THSD7B: variants seen among roughly 807,000 people sequenced by gnomAD.
The protein encoded by THSD7B is thrombospondin type 1 domain containing 7B, also known as thrombospondin type-1 domain-containing protein 7B.
THSD7B carries 138 observed loss-of-function variants against 213.6 expected under a neutral mutation model. The ratio of observed to expected loss-of-function variants is 0.65; its 90% CI spans 0.56 to 0.74. THSD7B has a LOEUF of 0.74. THSD7B is among the 30% of genes least tolerant of loss of function. THSD7B has a pLI of 0.00. For synonymous variants in THSD7B, 742 were observed against 687.0 expected (o/e 1.08, Z -1.25); for missense variants, 1,931 against 1,991.5 (o/e 0.97, Z 0.58).
At chr2:136,940,659 T>C (rs1684805486) in intron 2 of THSD7B, among the ~76,000 whole-genome samples, 1 of 151,070 alleles carries the variant, frequency 6.6e-6, no homozygotes, top group African/African-American at 2.4e-5. Context: ...CCCAAAGTGC[T>C]GGGATTCCAG....
In THSD7B at chr2:137,219,492, A is replaced by C. The variant is rs76210002; in HGVS notation, c.1724-11552A>C. Among the ~76,000 whole-genome samples the C allele has an allele frequency of 1.6e-3, 244 of 152,262 alleles. 7 individuals carry two copies. The East Asian group carries it at 0.04, about 25-fold the overall frequency. ...CAAAAACAGAAGAGGTTACCAACCA[A>C]CTCAAGAAAAAGGCAAGCTCATCTT... On this transcript the variant is annotated intron_variant, in intron 7 of 27. Transcript: ENST00000409968.
chr2:137,434,747 T>C (rs1687257452), intron 14 of THSD7B, among the ~76,000 whole-genome samples: 1 of 152,220 alleles, frequency 6.6e-6, no homozygotes, highest in Non-Finnish European at 1.5e-5. Context: ...CCTCAATTTC[T>C]ACGGTTATTT....
chr2:136,887,344 A>G (rs559532466), intron 2 of THSD7B, among the ~76,000 whole-genome samples: 107 of 145,848 alleles, frequency 7.3e-4, no homozygotes, highest in African/African-American at 2.7e-3. Context: ...GGCTTTTAAA[A>G]TAGCCTTCAG....
At chr2:137,585,280 CA>C (rs1436041169) in intron 17 of THSD7B, among the ~76,000 whole-genome samples, 1 of 151,472 alleles carries the variant, frequency 6.6e-6, no homozygotes, top group Admixed American at 6.6e-5. Flanking sequence ...TTGATCTTTT[CA>C]AAAAAACCAG....
chr2:136,841,317 C>T (rs191478421), intron 1 of THSD7B, among the ~76,000 whole-genome samples: 89 of 151,980 alleles, frequency 5.9e-4, no homozygotes, highest in South Asian at 1.2e-3. Context: ...GAAAAAAGAC[C>T]GGGCGCAGTG....
chr2:137,066,174 G>A (rs531620429), intron 3 of THSD7B, among the ~76,000 whole-genome samples: 1 of 145,292 alleles, frequency 6.9e-6, no homozygotes, highest in East Asian at 2.0e-4. Context: ...TAGAATTTAG[G>A]TTGATGAGTT....
intron 27 of THSD7B, among the ~76,000 whole-genome samples, chr2:137,673,152 T>A (rs894025264): frequency 6.6e-6 from 1 of 152,186 alleles, no homozygotes; most frequent in Non-Finnish European, 1.5e-5. Context: ...TGAGAATGAG[T>A]CCTTGCTGAG....
intron 15 of THSD7B, among the ~76,000 whole-genome samples, chr2:137,475,403 C>T (rs1452870284): frequency 6.6e-5 from 10 of 152,060 alleles, no homozygotes; most frequent in Admixed American, 6.6e-4. Flanking sequence ...AGTCATTCTA[C>T]TCTCTTATTA....
intron 2 of THSD7B, among the ~76,000 whole-genome samples, chr2:136,966,273 C>T (rs533855020): frequency 1.1e-4 from 17 of 151,764 alleles, no homozygotes; most frequent in Admixed American, 4.6e-4. Flanking sequence ...GCTGAAGTAC[C>T]GTGGCATGAT....
At chr2:137,532,841 A>C (rs1680424793) in intron 15 of THSD7B, among the ~76,000 whole-genome samples, 2 of 151,676 alleles carry the variant, frequency 1.3e-5, no homozygotes, top group Admixed American at 1.3e-4. Flanking sequence ...TAAAAGTCAC[A>C]GTTATTAGGA....
chr2:136,950,340 G>A (rs1339775504), intron 2 of THSD7B, among the ~76,000 whole-genome samples: 1 of 152,124 alleles, frequency 6.6e-6, no homozygotes, highest in Non-Finnish European at 1.5e-5. Context: ...CTAGATGACA[G>A]GTTGATAGGT....
chr2:137,470,061 AT>A (rs1371281629), intron 15 of THSD7B, among the ~76,000 whole-genome samples: 1 of 152,200 alleles, frequency 6.6e-6, no homozygotes, highest in Non-Finnish European at 1.5e-5. Flanking sequence ...CTAGAAGACT[AT>A]TTGAAGGAGT....
intron 1 of THSD7B, among the ~76,000 whole-genome samples, chr2:136,836,079 A>G (rs1364811664): frequency 6.6e-6 from 1 of 152,238 alleles, no homozygotes; most frequent in Admixed American, 6.5e-5. Context: ...GTTTTCAAAT[A>G]TGAAATTAAA....
At chr2:137,211,735 T>C (rs954762871) in intron 7 of THSD7B, among the ~76,000 whole-genome samples, 1 of 143,540 alleles carries the variant, frequency 7.0e-6, no homozygotes. Flanking sequence ...AACAGTTAAG[T>C]GTTCTACAAG....
At chr2:137,414,287 TA>T (rs1055800907) in intron 14 of THSD7B, among the ~76,000 whole-genome samples, 6 of 151,942 alleles carry the variant, frequency 3.9e-5, no homozygotes, top group Non-Finnish European at 7.4e-5. Flanking sequence ...AAAGGTTTTT[TA>T]AAAAAAATAG....
At chr2:136,990,851 TA>T in intron 2 of THSD7B, 1 of 1,317,866 alleles carries the variant, frequency 7.6e-7, no homozygotes, top group East Asian at 5.2e-5. Flanking sequence ...TTTCACAAAT[TA>T]AAATTCCCTT....
chr2:137,177,249 G>T (rs1045576860), intron 7 of THSD7B, among the ~76,000 whole-genome samples: 1 of 152,078 alleles, frequency 6.6e-6, no homozygotes, highest in East Asian at 1.9e-4. Context: ...AGGCCATCTG[G>T]GTAACATACA....
At chr2:137,659,994 A>G (rs112321087) in intron 25 of THSD7B, among the ~76,000 whole-genome samples, 12 of 152,048 alleles carry the variant, frequency 7.9e-5, no homozygotes, top group African/African-American at 2.7e-4. Flanking sequence ...TGTTAGCTCT[A>G]TTTACCAGTA....
chr2:136,865,174 G>C (rs575998315), intron 1 of THSD7B, among the ~76,000 whole-genome samples: 2 of 152,132 alleles, frequency 1.3e-5, no homozygotes, highest in Non-Finnish European at 2.9e-5. Context: ...ACTGCCCTTT[G>C]CCTCTTGGAG....
Sources: gnomAD v4.1 joint callset for allele counts (sites outside exome capture counted in the v4.1 genomes callset) on GRCh38, gnomAD v4.1.1 for gene constraint, MANE v1.5 for transcripts, NCBI Gene and HGNC (gene_info 2026-07-23, HGNC 2026-07-21) for gene names.